Variants in TJP1 observed in about 807,000 individuals in gnomAD.
TJP1 encodes tight junction protein ZO-1.
In TJP1, 43 loss-of-function variants were observed where a neutral mutation model predicts 194.2. The observed-to-expected ratio is 0.22, with a 90% CI of 0.17 to 0.29. The LOEUF (loss-of-function observed/expected upper bound fraction) is 0.29. Among genes scored for constraint, TJP1 ranks in the 10% least tolerant of loss-of-function variants. The pLI is 1.00. For missense variants in TJP1, 1,971 were observed against 2,185.7 expected, an observed-to-expected ratio of 0.90 and a Z score of 1.96; for synonymous variants, 801 against 779.0, an observed-to-expected ratio of 1.03 and a Z score of -0.47.
rs575818223 is a variant in TJP1, at chr15:29,890,133, G to C, written c.306+66099C>G. ...AAGTTCCACCATGGGCCAGAGAGTG[G>C]CCATCCACCCCGACCTTGAGTCCAC... On this transcript the variant is annotated intron_variant, in intron 2 of 28. Transcript: ENST00000356107. 2.0e-5 allele frequency among the ~76,000 whole-genome samples: 3 copies of C among 152,228 alleles called. No individual in the cohort carries two copies. In the South Asian group the frequency reaches 6.2e-4, roughly 32 times the overall value.
intron 2 of TJP1, among the ~76,000 whole-genome samples, chr15:29,922,318 A>G (rs185044196): frequency 1.3e-5 from 2 of 152,292 alleles, no homozygotes; most frequent in East Asian, 3.9e-4. Flanking sequence ...TCATGTCTCT[A>G]CAGAAAATTT....
At chr15:29,963,077 G>A (rs543225830) in intron 1 of TJP1, among the ~76,000 whole-genome samples, 110 of 152,304 alleles carry the variant, frequency 7.2e-4, no homozygotes, top group African/African-American at 2.1e-3. Context: ...GGAGGCGGAG[G>A]TTGCAGTGAG....
chr15:29,919,283 A>C (rs1162321190), intron 2 of TJP1, among the ~76,000 whole-genome samples: 1 of 152,240 alleles, frequency 6.6e-6, no homozygotes, highest in Non-Finnish European at 1.5e-5. Context: ...GAACAGGGGC[A>C]GCAGGCCCAG....
intron 2 of TJP1, among the ~76,000 whole-genome samples, chr15:29,931,110 C>T (rs953601628): frequency 1.3e-5 from 2 of 151,942 alleles, no homozygotes; most frequent in African/African-American, 2.4e-5. Context: ...TATGTATATA[C>T]CGTATTCTTA....
At position 29,742,250 on chromosome 15, in the gene TJP1, C is replaced by CA. The variant is rs113630419; in HGVS notation, c.1150+391dup. Among the ~76,000 whole-genome samples the CA allele has an allele frequency of 5.1e-3, 674 of 131,478 alleles. 7 individuals are homozygous for CA. In the Middle Eastern group the frequency reaches 0.07, roughly 14 times the overall value. The allele number at this position is 131,478 out of a possible 152,430, so 86.3% of individuals were successfully genotyped here. A position where few individuals can be genotyped will look rare whatever the true frequency, so the allele number is the denominator to read the frequency against. On this transcript the variant is annotated intron_variant, in intron 9 of 27. Transcript: ENST00000614355. ...TGGGTGACAGAGTGAGACTCTGTCT[C>CA]AAAAAAAAAAACCCAAAGACAATAA...
intron 2 of TJP1, among the ~76,000 whole-genome samples, chr15:29,922,764 G>A (rs1418005588): frequency 2.0e-5 from 3 of 152,006 alleles, no homozygotes; most frequent in African/African-American, 4.8e-5. Flanking sequence ...AAAGCATAAT[G>A]GGATAATAAA....
chr15:29,704,435 A>C, intron 26 of TJP1, 130 bp from the exon 27 acceptor site: 1 of 1,075,044 alleles, frequency 9.3e-7, no homozygotes, highest in Non-Finnish European at 1.2e-6. Context: ...AGTCGCACTG[A>C]CCACAAAAAA....
chr15:29,833,871 A>ATTTTTT (rs1567116902), intron 2 of TJP1, among the ~76,000 whole-genome samples: 2 of 18,362 alleles, frequency 1.1e-4, no homozygotes, highest in Admixed American at 6.6e-4. Context: ...ATATATATAT[A>ATTTTTT]TATATATATA....
chr15:29,814,662 CA>C (rs921345843), intron 1 of TJP1, among the ~76,000 whole-genome samples: 2 of 151,644 alleles, frequency 1.3e-5, no homozygotes, highest in African/African-American at 4.8e-5. Flanking sequence ...TTCGGTAAGT[CA>C]AAAAAAATTA....
At chr15:29,821,745 T>C (rs1339262250) in intron 1 of TJP1, among the ~76,000 whole-genome samples, 2 of 151,516 alleles carry the variant, frequency 1.3e-5, no homozygotes, top group African/African-American at 2.4e-5. Context: ...CCGGCAGCTA[T>C]GCACCTGCCC....
chr15:29,836,274 CT>C lies in TJP1; in HGVS notation c.307-35573del, dbSNP rs1301707709. ...GTTACGTTATCTGTGGGATGATCAA[CT>C]TTTTTTTTTTTTTTGAGAGACAGAG... is the stretch of plus-strand genomic sequence containing the variant. On this transcript the variant is annotated intron_variant, in intron 2 of 28. Transcript: ENST00000356107. Among the ~76,000 whole-genome samples, 411 of 143,228 alleles carry C rather than the reference CT, an allele frequency of 2.9e-3. 1 individual carries two copies. Among genetic ancestry groups the C allele is most frequent in the Middle Eastern group, 7.4e-3 (2 of 270 alleles). The allele number at this position is 143,228 out of a possible 152,430, so 94.0% of individuals were successfully genotyped here.
Position 29,718,851 on chromosome 15 carries a change from T to TTTG in TJP1, c.3288_3290dup (p.Asp1096_Lys1097insAsn), listed in dbSNP as rs1298961525. 1.9e-6 allele frequency: 3 copies of TTTG among 1,614,092 alleles called. No individual in the cohort carries two copies. Among genetic ancestry groups the TTTG allele is most frequent in the Non-Finnish European group, 2.5e-6 (3 of 1,180,044 alleles). ...AAGGTGGCCGAGATGGGTAGGGCTG[T>TTTG]TTGTCATCATAATATGACCACTGTT... On this transcript the variant is annotated inframe_insertion, in exon 21 of 28. Coordinates refer to ENST00000614355, the MANE Select transcript of TJP1 (RefSeq NM_001330239.4).
chr15:29,785,080 T>C (rs546366072), intron 2 of TJP1, among the ~76,000 whole-genome samples: 2 of 152,214 alleles, frequency 1.3e-5, no homozygotes, highest in East Asian at 1.9e-4. Context: ...AACGTAAAAA[T>C]TGTATAGTTC....
chr15:29,728,121 CTTTGTTTGTGGAAA>C, intron 15 of TJP1, 102 bp from the exon 16 acceptor site: 1 of 920,506 alleles, frequency 1.1e-6, no homozygotes, highest in Non-Finnish European at 1.7e-6. Context: ...CTGGATAGTA[CTTTGTTTGTGGAAA>C]CTGTCTTATG....
At position 29,727,899 on chromosome 15, in the gene TJP1, A is replaced by T. The variant is rs777269696; in HGVS notation, c.2100+38T>A. On this transcript the variant is annotated intron_variant, in intron 16 of 27. Transcript: ENST00000614355. ...CAAATCCCATCCCACTCAAAACCAC[A>T]ATAACATAATGAAATGGGTCAAGTT... 3.8e-6 allele frequency: 6 copies of T among 1,578,056 alleles called. No homozygotes were observed. The African/African-American group carries it at 5.4e-5, about 14-fold the overall frequency.
At chr15:29,926,317 A>G (rs749576556) in intron 2 of TJP1, among the ~76,000 whole-genome samples, 47 of 152,200 alleles carry the variant, frequency 3.1e-4, no homozygotes, top group Non-Finnish European at 2.1e-4. Flanking sequence ...GTAAAGAAGC[A>G]TTTGGGAACA....
At chr15:29,899,613 T>A (rs554435518) in intron 2 of TJP1, among the ~76,000 whole-genome samples, 1 of 152,304 alleles carries the variant, frequency 6.6e-6, no homozygotes, top group African/African-American at 2.4e-5. Context: ...CCCAACCTCA[T>A]CTTCAGTAAA....
intron 1 of TJP1, among the ~76,000 whole-genome samples, chr15:29,961,962 G>C (rs924678940): frequency 1.3e-5 from 2 of 152,072 alleles, no homozygotes; most frequent in Non-Finnish European, 2.9e-5. Context: ...TATCTTCCCT[G>C]GTCAAGGACA....
At chr15:29,866,327 T>C (rs71470928) in intron 2 of TJP1, among the ~76,000 whole-genome samples, 8,752 of 152,340 alleles carry the variant, frequency 0.057, 343 homozygotes, top group Non-Finnish European at 0.089. Flanking sequence ...ATTAACTATA[T>C]TTACAGCTTG....
Sources: allele counts gnomAD v4.1 joint callset (sites outside exome capture counted in the v4.1 genomes callset), GRCh38; gene constraint gnomAD v4.1.1; transcripts MANE v1.5; gene names NCBI Gene and HGNC (gene_info 2026-07-23, HGNC 2026-07-21).